The following RNLS variants were observed in gnomAD, a reference collection of about 807,000 sequenced individuals.
The protein encoded by RNLS is renalase.
Under a neutral mutation model 39.8 loss-of-function variants are expected in RNLS, and 39 were observed. That is an observed-to-expected ratio of 0.98 (90% CI 0.76 to 1.28). The LOEUF is 1.28. Among genes scored for constraint, RNLS ranks in the 50% most tolerant of loss-of-function variants. RNLS has a pLI of 0.00. For missense variants in RNLS, 410 were observed against 413.3 expected (o/e 0.99, Z 0.07); for synonymous variants, 147 against 150.7 (o/e 0.98, Z 0.18).
chr10:88,320,605 C>G (rs1389425231), intron 5 of RNLS, among the ~76,000 whole-genome samples: 1 of 149,026 alleles, frequency 6.7e-6, no homozygotes, highest in Non-Finnish European at 1.5e-5. Context: ...GGAGAAAGAT[C>G]TATCACACAA....
chr10:88,450,037 GAA>G (rs76069878), intron 4 of RNLS, among the ~76,000 whole-genome samples: 1 of 141,070 alleles, frequency 7.1e-6, no homozygotes. Flanking sequence ...CTTTTGGGAG[GAA>G]AAAAAAAAAA....
chr10:88,351,557 T>A (rs1848708990), intron 5 of RNLS, among the ~76,000 whole-genome samples: 1 of 152,232 alleles, frequency 6.6e-6, no homozygotes, highest in Non-Finnish European at 1.5e-5. Flanking sequence ...TGGTATTATT[T>A]CTGAGGGCTC....
chr10:88,172,786 TTCTAA>T, the RNLS span, among the ~76,000 whole-genome samples: 1 of 150,980 alleles, frequency 6.6e-6, no homozygotes, highest in Admixed American at 6.6e-5. Context: ...CTATGTTTTC[TTCTAA>T]GAGTTTAATA....
At chr10:88,575,410 C>T (rs1265344663) in intron 3 of RNLS, among the ~76,000 whole-genome samples, 1 of 151,492 alleles carries the variant, frequency 6.6e-6, no homozygotes, top group Admixed American at 6.6e-5. Flanking sequence ...AATTGAGCCT[C>T]GCAATCCATG....
intron 4 of RNLS, among the ~76,000 whole-genome samples, chr10:88,392,934 A>G (rs1852298581): frequency 6.6e-6 from 1 of 152,170 alleles, no homozygotes; most frequent in Non-Finnish European, 1.5e-5. Flanking sequence ...AAAGACAAAA[A>G]CCACATGATT....
intron 4 of RNLS, among the ~76,000 whole-genome samples, chr10:88,496,652 G>C: frequency 6.6e-6 from 1 of 152,102 alleles, no homozygotes; most frequent in East Asian, 1.9e-4. Flanking sequence ...ATCCCCACAT[G>C]CAACAGACAA....
intron 4 of RNLS, among the ~76,000 whole-genome samples, chr10:88,500,847 T>C (rs925880419): frequency 6.6e-6 from 1 of 152,148 alleles, no homozygotes; most frequent in Admixed American, 6.6e-5. Flanking sequence ...GTGGGAGATA[T>C]GCAATAATTG....
intron 4 of RNLS, among the ~76,000 whole-genome samples, chr10:88,366,537 C>G (rs1850112153): frequency 6.6e-6 from 1 of 151,538 alleles, no homozygotes; most frequent in African/African-American, 2.4e-5. Flanking sequence ...AGATCTTGTA[C>G]TAGGTCCCAA....
rs184447612 is a variant in RNLS at position 88,427,672 on chromosome 10, G to T, written c.527-64947C>A. On this transcript the variant is annotated intron_variant, in intron 4 of 6. Coordinates refer to ENST00000331772, the MANE Select transcript of RNLS (RefSeq NM_001031709.3). ...CTACTTACTATTTGATACAAATAAA[G>T]GAAAATGTATCAACAACTCCATAGA... 8.4e-4 allele frequency among the ~76,000 whole-genome samples: 128 copies of T among 152,004 alleles called. 1 individual carries two copies. In the Middle Eastern group the frequency reaches 0.021, roughly 24 times the overall value.
chr10:88,383,976 A>AT (rs1452894592), intron 4 of RNLS, among the ~76,000 whole-genome samples: 1 of 152,108 alleles, frequency 6.6e-6, no homozygotes, highest in Admixed American at 6.5e-5. Context: ...AAAGAATTCA[A>AT]TTTTTCTCAT....
chr10:88,230,812 C>T, the RNLS span, among the ~76,000 whole-genome samples: 10 of 152,322 alleles, frequency 6.6e-5, no homozygotes, highest in Admixed American at 3.9e-4. Context: ...ATTGGTTCCT[C>T]CCAAGAAGTC....
intron 4 of RNLS, among the ~76,000 whole-genome samples, chr10:88,536,498 T>C (rs549400169): frequency 1.6e-4 from 24 of 152,302 alleles, no homozygotes; most frequent in African/African-American, 5.8e-4. Flanking sequence ...ATTATTTAAA[T>C]CCTTTAATGG....
intron 4 of RNLS, among the ~76,000 whole-genome samples, chr10:88,488,010 A>G (rs190235481): frequency 7.9e-5 from 12 of 152,300 alleles, no homozygotes; most frequent in Admixed American, 5.2e-4. Context: ...ATAAAATTCT[A>G]GAAAATGCAA....
At chr10:88,407,677 T>C (rs966150967) in intron 4 of RNLS, among the ~76,000 whole-genome samples, 5 of 152,126 alleles carry the variant, frequency 3.3e-5, no homozygotes, top group Non-Finnish European at 5.9e-5. Context: ...TTGTGGTACC[T>C]ACTGCTGCCC....
At chr10:88,572,117 C>T (rs1352041688) in intron 4 of RNLS, among the ~76,000 whole-genome samples, 2 of 152,132 alleles carry the variant, frequency 1.3e-5, no homozygotes, top group Non-Finnish European at 2.9e-5. Flanking sequence ...CCCCTACTCC[C>T]ACCTCTGAGA....
At chr10:88,214,011 C>G in the RNLS span, among the ~76,000 whole-genome samples, 1 of 152,098 alleles carries the variant, frequency 6.6e-6, no homozygotes, top group Non-Finnish European at 1.5e-5. Context: ...GGATTCAGGA[C>G]TCAACAGGAT....
intron 4 of RNLS, among the ~76,000 whole-genome samples, chr10:88,540,990 CAAA>C (rs34561003): frequency 7.6e-6 from 1 of 131,944 alleles, no homozygotes; most frequent in African/African-American, 2.7e-5. Flanking sequence ...TCCTTACTGC[CAAA>C]AAAAAAAAAA....
At chr10:88,238,904 T>A in the RNLS span, among the ~76,000 whole-genome samples, 2 of 152,144 alleles carry the variant, frequency 1.3e-5, no homozygotes, top group Non-Finnish European at 2.9e-5. Flanking sequence ...AATACACAGT[T>A]GAAGGAAGCC....
intron 4 of RNLS, among the ~76,000 whole-genome samples, chr10:88,464,075 C>A (rs563856261): frequency 3.3e-5 from 5 of 152,094 alleles, no homozygotes; most frequent in African/African-American, 1.2e-4. Flanking sequence ...AACTGTGTGG[C>A]CTTGGACAAG....
Sources: gnomAD v4.1 joint callset for allele counts (sites outside exome capture counted in the v4.1 genomes callset) on GRCh38, gnomAD v4.1.1 for gene constraint, MANE v1.5 for transcripts, NCBI Gene and HGNC (gene_info 2026-07-23, HGNC 2026-07-21) for gene names.